The following CSNK1G2 variants were observed in gnomAD, a reference collection of about 807,000 sequenced individuals.
CSNK1G2 encodes casein kinase I isoform gamma-2.
A neutral mutation model predicts 48.0 loss-of-function variants in CSNK1G2; 11 were observed. That is an observed-to-expected ratio of 0.23 (90% CI 0.14 to 0.38). The LOEUF (loss-of-function observed/expected upper bound fraction) is 0.38, where lower values mean the gene tolerates loss of function less well. CSNK1G2 is among the 10% of genes least tolerant of loss of function. CSNK1G2 has a pLI of 1.00. For synonymous variants in CSNK1G2, 337 were observed against 254.1 expected (o/e 1.33, Z -3.10); for missense variants, 446 against 595.5 (o/e 0.75, Z 2.61).
At position 1,954,126 on chromosome 19, in the gene CSNK1G2, G is replaced by A. The variant is rs1256831415; in HGVS notation, c.-266+12708G>A. ...GGGGTGTTTCTCTTTTGCACCTGAT[G>A]CGTTAAACCCATTACCGGCCTAGGT... is the stretch of plus-strand genomic sequence containing the variant. On this transcript the variant is annotated intron_variant, in intron 1 of 11. Coordinates refer to ENST00000255641, the MANE Select transcript of CSNK1G2 (RefSeq NM_001319.7). 3 of 381,176 alleles carry A rather than the reference G, an allele frequency of 7.9e-6. No homozygotes were observed. The East Asian group carries it at 1.9e-4, about 24-fold the overall frequency. The allele number at this position is 381,176 out of a possible 1,614,324, so 23.6% of individuals were successfully genotyped here.
chr19:1,967,530 G>A (rs1329311755), intron 1 of CSNK1G2, among the ~76,000 whole-genome samples: 3 of 151,916 alleles, frequency 2.0e-5, no homozygotes, highest in Admixed American at 1.3e-4. Flanking sequence ...AGGTGGCTGC[G>A]GTGGCTCCCG....
intron 2 of CSNK1G2, among the ~76,000 whole-genome samples, chr19:1,971,701 C>T (rs998604637): frequency 1.0e-4 from 15 of 148,170 alleles, no homozygotes; most frequent in South Asian, 4.4e-4. Flanking sequence ...CCTTGGGCGG[C>T]GGTTGCAGGC....
At chr19:1,966,516 C>A (rs1170180987) in intron 1 of CSNK1G2, among the ~76,000 whole-genome samples, 1 of 152,172 alleles carries the variant, frequency 6.6e-6, no homozygotes, top group South Asian at 2.1e-4. Flanking sequence ...AGTGAAGATT[C>A]TGTGAACCTG....
chr19:1,957,364 G>A lies in CSNK1G2; in HGVS notation c.-265-12144G>A, dbSNP rs2015033910. On this transcript the variant is annotated intron_variant, in intron 1 of 11. Transcript: ENST00000255641. This position sits in a 1 kb window ranked among gnomAD's most constrained non-coding sequence, Gnocchi z 5.4. ...GGCACCACAGACGAAAGTGGAGCCG[G>A]GGGAGAGATGTCCCGGGATGCACCA... Among the ~76,000 whole-genome samples the A allele has an allele frequency of 6.6e-6, 1 of 152,222 alleles. No homozygotes were observed. The highest frequency in any genetic ancestry group is 2.4e-5 in the African/African-American group (1 of 41,444).
At chr19:1,970,041 G>A (rs1322828603) in intron 2 of CSNK1G2, 82 bp downstream of exon 2, 13 of 1,177,924 alleles carry the variant, frequency 1.1e-5, no homozygotes, top group African/African-American at 4.7e-5. Flanking sequence ...TGGTGGGGCC[G>A]CCCGGGGTCA....
chr19:1,955,340 G>A (rs940068599), intron 1 of CSNK1G2, among the ~76,000 whole-genome samples: 5 of 152,176 alleles, frequency 3.3e-5, no homozygotes, highest in South Asian at 2.1e-4. Context: ...AGGCGCAGGC[G>A]GTGACTCTCG....
chr19:1,975,802 G>T, intron 2 of CSNK1G2: 1 of 974,264 alleles, frequency 1.0e-6, no homozygotes, highest in Non-Finnish European at 1.2e-6. Context: ...TTGGGAGGCT[G>T]ATGTGGGCGG....
In CSNK1G2 at chr19:1,978,711, C is replaced by G; in HGVS notation, c.408C>G (p.Thr136=). The change falls in exon 5 of 12, where the codon ACC becomes ACG. Residue 136 remains threonine, a synonymous_variant. Transcript: ENST00000255641. The surrounding 1 kb of genome is among the most constrained non-coding windows in gnomAD (Gnocchi z 7.3). ...ACCTGTTCGACCTGTGCGACCGGAC[C>G]TTCACGCTCAAGACGGTGCTGATGA... is the stretch of plus-strand genomic sequence containing the variant. The part of the protein sequence containing the change: ...LEDLFDLCDR[T]FTLKTVLMIA... 1 of 1,600,594 alleles carries G rather than the reference C, an allele frequency of 6.2e-7. No homozygotes were observed. Among genetic ancestry groups the G allele is most frequent in the East Asian group, 2.3e-5 (1 of 44,254 alleles).
chr19:1,944,913 C>A (rs542307162), intron 1 of CSNK1G2, among the ~76,000 whole-genome samples: 2 of 152,316 alleles, frequency 1.3e-5, no homozygotes, highest in South Asian at 4.1e-4. Flanking sequence ...GGGGCAGGAA[C>A]CTCTAGCATC....
At chr19:1,948,523 AAAAAAAAAAAAAAAAACGC>A (rs1232808439) in intron 1 of CSNK1G2, among the ~76,000 whole-genome samples, 435 of 23,398 alleles carry the variant, frequency 0.019, 4 homozygotes, top group African/African-American at 0.04. Flanking sequence ...CTCCGTCTCA[AAAAAAAAAAAAAAAAACGC>A]AAAAAAAAAA....
chr19:1,958,065 C>T (rs1438453545), intron 1 of CSNK1G2, among the ~76,000 whole-genome samples: 1 of 152,098 alleles, frequency 6.6e-6, no homozygotes, highest in Non-Finnish European at 1.5e-5. Flanking sequence ...TAATGGGACA[C>T]CTGAGGGACA....
intron 1 of CSNK1G2, among the ~76,000 whole-genome samples, chr19:1,950,000 G>A (rs770088424): frequency 7.9e-5 from 12 of 152,258 alleles, no homozygotes; most frequent in Non-Finnish European, 1.8e-4. Flanking sequence ...TCGCCACAGC[G>A]AGTTCAGAGG....
intron 1 of CSNK1G2, chr19:1,953,792 C>T (rs755669015): frequency 3.2e-5 from 16 of 494,662 alleles, no homozygotes; most frequent in Admixed American, 8.2e-5. Flanking sequence ...CATCAGGGTC[C>T]GGTCCTGGCC....
intron 1 of CSNK1G2, among the ~76,000 whole-genome samples, chr19:1,947,474 G>A (rs2014604522): frequency 6.6e-6 from 1 of 152,264 alleles, no homozygotes; most frequent in Admixed American, 6.5e-5. Context: ...CTGCTCCAGT[G>A]GTCCTGGGGC....
In CSNK1G2 at chr19:1,974,077, A is replaced by G. The variant is rs537068312; in HGVS notation, c.187+4118A>G. ...TAATTTTTGTATTTTCAGTAGAGACAGGGTTTCACTGTGTGTTGGTTGGCT... is the reference window on the plus strand; with the variant it reads ...TAATTTTTGTATTTTCAGTAGAGACGGGGTTTCACTGTGTGTTGGTTGGCT... On this transcript the variant is annotated intron_variant, in intron 2 of 11. Coordinates refer to ENST00000255641, the MANE Select transcript of CSNK1G2 (RefSeq NM_001319.7). Among the ~76,000 whole-genome samples, 20 of 152,084 alleles carry G rather than the reference A, an allele frequency of 1.3e-4. No homozygotes were observed. The South Asian group carries it at 3.5e-3, about 27-fold the overall frequency.
intron 1 of CSNK1G2, among the ~76,000 whole-genome samples, chr19:1,943,656 A>C (rs1229901412): frequency 6.6e-6 from 1 of 151,774 alleles, no homozygotes; most frequent in Non-Finnish European, 1.5e-5. Context: ...GGTGGGGGTT[A>C]CCGCGCGCCC....
intron 2 of CSNK1G2, among the ~76,000 whole-genome samples, chr19:1,972,930 GTTTTT>G (rs34612691): frequency 7.8e-6 from 1 of 128,164 alleles, no homozygotes; most frequent in African/African-American, 2.9e-5. Flanking sequence ...CGCCTGCTTT[GTTTTT>G]TTTTTTTTTT....
intron 1 of CSNK1G2, among the ~76,000 whole-genome samples, chr19:1,947,992 C>T (rs1456252422): frequency 6.6e-6 from 1 of 152,178 alleles, no homozygotes; most frequent in Non-Finnish European, 1.5e-5. Context: ...GCCTCTCCTT[C>T]CTGTGGGCGC....
chr19:1,964,121 G>A (rs1448478750), intron 1 of CSNK1G2, among the ~76,000 whole-genome samples: 1 of 151,970 alleles, frequency 6.6e-6, no homozygotes, highest in Non-Finnish European at 1.5e-5. Flanking sequence ...ACCGCTCCTG[G>A]CCTACAAAAA....
Sources: gnomAD v4.1 joint callset for allele counts (sites outside exome capture counted in the v4.1 genomes callset) on GRCh38, gnomAD v4.1.1 for gene constraint, Gnocchi (gnomAD v3.1) non-coding constraint, MANE v1.5 for transcripts, NCBI Gene and HGNC (gene_info 2026-07-23, HGNC 2026-07-21) for gene names.